Variants in SGPP2 observed in about 807,000 individuals in gnomAD.
SGPP2 encodes the protein sphingosine 1-phosphate phosphohydrolase 2.
Under a neutral mutation model 33.9 loss-of-function variants are expected in SGPP2, and 30 were observed. That is an observed-to-expected ratio of 0.89 (90% CI 0.66 to 1.20). The LOEUF (loss-of-function observed/expected upper bound fraction) is 1.20. Among genes scored for constraint, SGPP2 ranks in the 50% most tolerant of loss-of-function variants. The pLI, the probability that SGPP2 is intolerant of heterozygous loss-of-function variation, is 0.00. For missense variants in SGPP2, 458 were observed against 532.1 expected, an observed-to-expected ratio of 0.86 and a Z score of 1.37; for synonymous variants, 233 against 225.0, an observed-to-expected ratio of 1.04 and a Z score of -0.32.
At chr2:222,435,268 G>GTC (rs1420652504) in intron 1 of SGPP2, among the ~76,000 whole-genome samples, 4 of 152,082 alleles carry the variant, frequency 2.6e-5, no homozygotes, top group African/African-American at 9.7e-5. Flanking sequence ...AGTTAGGCCA[G>GTC]TCTCTCTTTT....
chr2:222,459,458 A>G (rs1469337603), intron 1 of SGPP2, among the ~76,000 whole-genome samples: 2 of 152,160 alleles, frequency 1.3e-5, no homozygotes, highest in African/African-American at 4.8e-5. Context: ...CATGGAAGCC[A>G]CATTTTAAAG....
At chr2:222,517,494 G>C (rs548999718) in intron 2 of SGPP2, among the ~76,000 whole-genome samples, 2 of 152,072 alleles carry the variant, frequency 1.3e-5, no homozygotes, top group Non-Finnish European at 2.9e-5. Context: ...ATTCCACAGA[G>C]AGCCACCTTC....
intron 1 of SGPP2, among the ~76,000 whole-genome samples, chr2:222,474,205 T>C (rs1697894596): frequency 6.6e-6 from 1 of 152,216 alleles, no homozygotes; most frequent in African/African-American, 2.4e-5. Context: ...TAGAAATCTT[T>C]GAGGGAAGCA....
chr2:222,499,663 C>T (rs1037999519), intron 2 of SGPP2, among the ~76,000 whole-genome samples: 2 of 151,842 alleles, frequency 1.3e-5, no homozygotes, highest in African/African-American at 4.9e-5. Flanking sequence ...GAAAGACAGT[C>T]TTTCTGAGGA....
chr2:222,471,839 T>G (rs1697847980), intron 1 of SGPP2, among the ~76,000 whole-genome samples: 1 of 152,206 alleles, frequency 6.6e-6, no homozygotes, highest in Non-Finnish European at 1.5e-5. Context: ...ACGACTACCT[T>G]AAGTAGGATT....
chr2:222,436,107 A>G (rs1428215574), intron 1 of SGPP2, among the ~76,000 whole-genome samples: 1 of 152,088 alleles, frequency 6.6e-6, no homozygotes, highest in Non-Finnish European at 1.5e-5. Flanking sequence ...TGGGTCAGTC[A>G]CCCCAGGCAA....
chr2:222,540,819 T>TTG (rs1292939842), intron 4 of SGPP2, among the ~76,000 whole-genome samples: 3 of 134,304 alleles, frequency 2.2e-5, no homozygotes, highest in African/African-American at 9.3e-5. Flanking sequence ...TATAAACTGT[T>TTG]TTTTTTTTTT....
At chr2:222,471,519 T>TC (rs1304778085) in intron 1 of SGPP2, among the ~76,000 whole-genome samples, 4 of 151,880 alleles carry the variant, frequency 2.6e-5, no homozygotes, top group Non-Finnish European at 5.9e-5. Context: ...ATTGTGCTCT[T>TC]CCCCCCTCTC....
intron 4 of SGPP2, among the ~76,000 whole-genome samples, chr2:222,533,883 G>A (rs1242280095): frequency 6.6e-6 from 1 of 151,886 alleles, no homozygotes; most frequent in African/African-American, 2.4e-5. Context: ...TAATAAGTCC[G>A]TGGCTGCATC....
intron 2 of SGPP2, among the ~76,000 whole-genome samples, chr2:222,508,527 GTTA>G (rs1167636267): frequency 1.3e-5 from 2 of 152,156 alleles, no homozygotes; most frequent in African/African-American, 4.8e-5. Flanking sequence ...ACAAATGTCA[GTTA>G]TTATTTAACC....
Position 222,559,170 on chromosome 2 carries a change from C to A in SGPP2, c.*272C>A, listed in dbSNP as rs528467815. 4.2e-4 allele frequency: 46 copies of A among 109,372 alleles called. 6 individuals are homozygous for A. Among genetic ancestry groups the A allele is most frequent in the South Asian group, 1.4e-3 (6 of 4,342 alleles). The allele number at this position is 109,372 out of a possible 1,614,324, so 6.8% of individuals were successfully genotyped here. ...TAAAGGCACACACCGCGCCCCCCCCCCCCCCGCCCGGCCCCTGCTCCTCTC... is the reference window on the plus strand; with the variant it reads ...TAAAGGCACACACCGCGCCCCCCCCACCCCCGCCCGGCCCCTGCTCCTCTC... On this transcript the variant is annotated 3_prime_UTR_variant, in exon 5 of 5. Coordinates refer to ENST00000321276, the MANE Select transcript of SGPP2 (RefSeq NM_152386.4).
chr2:222,462,511 G>A (rs780007216), intron 1 of SGPP2, among the ~76,000 whole-genome samples: 7 of 152,148 alleles, frequency 4.6e-5, no homozygotes, highest in African/African-American at 1.7e-4. Flanking sequence ...AGCAAAACTG[G>A]ATCTAGACAG....
In SGPP2 at chr2:222,561,517, G is replaced by GAT. The variant is rs34718265; in HGVS notation, c.*2630_*2631dup. ...GTGGGTGCTGGCCTCTCATATATAT[G>GAT]ATATATATATATCATTTTATATATA... is the stretch of plus-strand genomic sequence containing the variant. On this transcript the variant is annotated 3_prime_UTR_variant, in exon 5 of 5. Transcript: ENST00000321276. Among the ~76,000 whole-genome samples the GAT allele has an allele frequency of 0.3, 43,413 of 144,040 alleles. 6,834 individuals are homozygous for GAT. Among genetic ancestry groups the GAT allele is most frequent in the Middle Eastern group, 0.45 (125 of 280 alleles). The allele number at this position is 144,040 out of a possible 152,430, so 94.5% of individuals were successfully genotyped here.
rs67613978 is a variant in SGPP2, at chr2:222,559,161, G to GCCCCCCCCCCCCCCCC, written c.*277_*278insCCCCCCCCCCCCCCCC. 3.4e-5 allele frequency: 1 copy of GCCCCCCCCCCCCCCCC among 29,370 alleles called. No individual in the cohort carries two copies. The highest frequency in any genetic ancestry group is 1.2e-4 in the African/African-American group (1 of 8,456). 1.8% of individuals were successfully genotyped at this position (29,370 alleles called of 1,614,324 possible). ...CCGGATCTTTAAAGGCACACACCGC[G>GCCCCCCCCCCCCCCCC]CCCCCCCCCCCCCCGCCCGGCCCCT... is the stretch of plus-strand genomic sequence containing the variant. On this transcript the variant is annotated 3_prime_UTR_variant, in exon 5 of 5. Transcript: ENST00000321276.
chr2:222,463,510 G>T (rs1441273443), intron 1 of SGPP2, among the ~76,000 whole-genome samples: 5 of 152,180 alleles, frequency 3.3e-5, no homozygotes, highest in African/African-American at 9.7e-5. Context: ...GCCCAGTCTG[G>T]ACTACAGAGT....
At chr2:222,541,108 C>T (rs1012532637) in intron 4 of SGPP2, among the ~76,000 whole-genome samples, 2 of 152,128 alleles carry the variant, frequency 1.3e-5, no homozygotes, top group East Asian at 1.9e-4. Context: ...TGAGCCACCA[C>T]GTCCGGCCAG....
chr2:222,502,521 A>T (rs1698383005), intron 2 of SGPP2, among the ~76,000 whole-genome samples: 3 of 152,234 alleles, frequency 2.0e-5, no homozygotes, highest in South Asian at 2.1e-4. Context: ...AAGAACTCCC[A>T]TGAGTATTTC....
intron 3 of SGPP2, among the ~76,000 whole-genome samples, chr2:222,523,285 G>A (rs144604957): frequency 1.2e-3 from 176 of 152,308 alleles, no homozygotes; most frequent in Non-Finnish European, 2.0e-3. Flanking sequence ...ACTTCATGCC[G>A]GGGTCAAACA....
chr2:222,434,975 T>TACACAC (rs71053082), intron 1 of SGPP2, among the ~76,000 whole-genome samples: 19,767 of 145,416 alleles, frequency 0.14, 1,397 homozygotes, highest in East Asian at 0.21. Context: ...TGGAGATATA[T>TACACAC]ACACACACAC....
Sources: allele counts gnomAD v4.1 joint callset (sites outside exome capture counted in the v4.1 genomes callset), GRCh38; gene constraint gnomAD v4.1.1; transcripts MANE v1.5; gene names NCBI Gene and HGNC (gene_info 2026-07-23, HGNC 2026-07-21).